NR2E1: variants seen among roughly 807,000 people sequenced by gnomAD.
The protein encoded by NR2E1 is nuclear receptor subfamily 2 group E member 1.
Under a neutral mutation model 43.6 loss-of-function variants are expected in NR2E1, and 5 were observed. The ratio of observed to expected loss-of-function variants is 0.11; its 90% CI spans 0.06 to 0.24. The LOEUF (loss-of-function observed/expected upper bound fraction) is 0.24, where lower values mean the gene tolerates loss of function less well. NR2E1 is among the 10% of genes least tolerant of loss of function. NR2E1 has a pLI of 1.00. For synonymous variants in NR2E1, 191 were observed against 195.5 expected, an observed-to-expected ratio of 0.98 and a Z score of 0.19; for missense variants, 287 against 496.7, an observed-to-expected ratio of 0.58 and a Z score of 4.01.
intron 1 of NR2E1, among the ~76,000 whole-genome samples, chr6:108,170,172 G>A (rs1426899748): frequency 6.6e-6 from 1 of 152,144 alleles, no homozygotes; most frequent in African/African-American, 2.4e-5. Context: ...TCCCATCGTA[G>A]TCCCCAACCC....
intron 3 of NR2E1, 132 bp downstream of exon 3, chr6:108,175,055 C>A: frequency 2.4e-6 from 2 of 840,532 alleles, no homozygotes; most frequent in Non-Finnish European, 3.9e-6. Flanking sequence ...GAATTGGCCT[C>A]GGGCTTTCAG....
Position 108,188,720 on chromosome 6 carries a change from C to A in NR2E1, c.*1257C>A, listed in dbSNP as rs887514136. ...CTATCATAGGATGAGTAAAACTTTT[C>A]TTGTACAAAGTGAATTAACTGATTT... is the stretch of plus-strand genomic sequence containing the variant. On this transcript the variant is annotated 3_prime_UTR_variant, in exon 9 of 9. Transcript: ENST00000368986. 1 of 152,152 alleles carries A rather than the reference C, an allele frequency of 6.6e-6. No homozygotes were observed. The highest frequency in any genetic ancestry group is 1.5e-5 in the Non-Finnish European group (1 of 68,022). The allele number at this position is 152,152 out of a possible 1,614,324, so 9.4% of individuals were successfully genotyped here. A position where few individuals can be genotyped will look rare whatever the true frequency, so the allele number is the denominator to read the frequency against.
At chr6:108,176,838 G>T in intron 4 of NR2E1, 100 bp downstream of exon 4, 1 of 1,175,342 alleles carries the variant, frequency 8.5e-7, no homozygotes, top group Non-Finnish European at 1.2e-6. Context: ...GCAAACTGGG[G>T]AGAGAACTCC....
chr6:108,171,746 C>T, intron 2 of NR2E1, 143 bp downstream of exon 2: 1 of 1,111,926 alleles, frequency 9.0e-7, no homozygotes, highest in Non-Finnish European at 1.3e-6. Context: ...TCCTTCTTGC[C>T]TCAACTCTTG....
At chr6:108,181,421 T>C in intron 7 of NR2E1, 125 bp from the exon 8 acceptor site, 2 of 807,700 alleles carry the variant, frequency 2.5e-6, no homozygotes, top group Non-Finnish European at 4.3e-6. Flanking sequence ...CTCGAACTGC[T>C]GACCTCAAGT....
At chr6:108,179,841 C>T (rs1773957070) in intron 5 of NR2E1, among the ~76,000 whole-genome samples, 1 of 152,088 alleles carries the variant, frequency 6.6e-6, no homozygotes, top group Non-Finnish European at 1.5e-5. Flanking sequence ...CTGATTTCCC[C>T]CAGTGCCTCT....
intron 1 of NR2E1, among the ~76,000 whole-genome samples, chr6:108,170,354 C>T (rs942281132): frequency 5.3e-5 from 8 of 152,314 alleles, no homozygotes; most frequent in Non-Finnish European, 1.0e-4. Flanking sequence ...CAGTTTAATA[C>T]TCCCTTTGTT....
chr6:108,174,297 T>C (rs1028538279), intron 2 of NR2E1, among the ~76,000 whole-genome samples: 1 of 152,190 alleles, frequency 6.6e-6, no homozygotes, highest in Non-Finnish European at 1.5e-5. Context: ...ATCTGATAGA[T>C]AAACGGGCTC....
chr6:108,178,260 C>T lies in NR2E1; in HGVS notation c.642+19C>T. ...AGACCAGGTATGACCACACTGAGGC[C>T]TTGGGAGAAAGAGAGCTGGGAAAGA... On this transcript the variant is annotated intron_variant, in intron 5 of 8. Transcript: ENST00000368986. 1 of 1,614,028 alleles carries T rather than the reference C, an allele frequency of 6.2e-7. No homozygotes were observed. Among genetic ancestry groups the T allele is most frequent in the Non-Finnish European group, 8.5e-7 (1 of 1,179,900 alleles).
At chr6:108,184,873 G>C (rs1774048898) in intron 8 of NR2E1, among the ~76,000 whole-genome samples, 1 of 152,114 alleles carries the variant, frequency 6.6e-6, no homozygotes, top group Non-Finnish European at 1.5e-5. Context: ...TTAAATATTA[G>C]AATAGTAAAT....
chr6:108,178,657 A>G (rs866492566), intron 5 of NR2E1, among the ~76,000 whole-genome samples: 5 of 152,268 alleles, frequency 3.3e-5, no homozygotes, highest in Admixed American at 2.0e-4. Context: ...ATTTTTCAGA[A>G]CTGATGTTAT....
chr6:108,186,635 AG>A (rs1774080446), intron 8 of NR2E1, among the ~76,000 whole-genome samples: 1 of 152,250 alleles, frequency 6.6e-6, no homozygotes, highest in Non-Finnish European at 1.5e-5. Context: ...TAAAGGCAGC[AG>A]AAGATTGAAC....
At chr6:108,170,761 C>A (rs902718529) in intron 1 of NR2E1, among the ~76,000 whole-genome samples, 1 of 152,040 alleles carries the variant, frequency 6.6e-6, no homozygotes, top group Non-Finnish European at 1.5e-5. Context: ...CAACTTGCGT[C>A]GCTCCCCTCT....
At chr6:108,175,008 G>T in intron 3 of NR2E1, 85 bp downstream of exon 3, 1 of 1,261,584 alleles carries the variant, frequency 7.9e-7, no homozygotes, top group Non-Finnish European at 1.2e-6. Context: ...TCCTATGCAT[G>T]TAAATCAACC....
chr6:108,167,397 G>C (rs1023521015), intron 1 of NR2E1, among the ~76,000 whole-genome samples: 3 of 152,190 alleles, frequency 2.0e-5, no homozygotes, highest in African/African-American at 7.2e-5. Flanking sequence ...TTTCGAGCCG[G>C]AGCCCAGCAG....
chr6:108,175,613 G>T (rs530487946), intron 3 of NR2E1, among the ~76,000 whole-genome samples: 1 of 152,318 alleles, frequency 6.6e-6, no homozygotes, highest in East Asian at 1.9e-4. Context: ...AGCACGGTCC[G>T]AGCTGCGTCC....
chr6:108,174,125 C>T (rs1219845736), intron 2 of NR2E1, among the ~76,000 whole-genome samples: 2 of 152,140 alleles, frequency 1.3e-5, no homozygotes, highest in Non-Finnish European at 2.9e-5. Flanking sequence ...TTCTCTAGGC[C>T]TTGCCCTCCT....
Position 108,167,885 on chromosome 6 carries a change from T to C in NR2E1, c.25+1095T>C, listed in dbSNP as rs1036113482. The C allele has an allele frequency of 1.4e-5, 11 of 759,990 alleles. No homozygotes were observed. The Admixed American group carries it at 1.7e-4, about 12-fold the overall frequency. 47.1% of individuals were successfully genotyped at this position (759,990 alleles called of 1,614,324 possible). On this transcript the variant is annotated intron_variant, in intron 1 of 8. Coordinates refer to ENST00000368986, the MANE Select transcript of NR2E1 (RefSeq NM_003269.5). The stretch of plus-strand genomic sequence containing the variant: ...CGGAGATACTTCTGAGGACTGGTAA[T>C]GAAGTCTCACTTAAGTGGGATGCAA...
chr6:108,182,758 C>T (rs922610852), intron 8 of NR2E1, among the ~76,000 whole-genome samples: 2 of 152,008 alleles, frequency 1.3e-5, no homozygotes, highest in Non-Finnish European at 2.9e-5. Flanking sequence ...GGGGTTTCAC[C>T]GTGTTGGCCA....
Sources: gnomAD v4.1 joint callset for allele counts (sites outside exome capture counted in the v4.1 genomes callset) on GRCh38, gnomAD v4.1.1 for gene constraint, MANE v1.5 for transcripts, NCBI Gene and HGNC (gene_info 2026-07-23, HGNC 2026-07-21) for gene names.